CTNNA2: variants seen among roughly 807,000 people sequenced by gnomAD.
The protein encoded by CTNNA2 is catenin alpha 2.
A neutral mutation model predicts 101.0 loss-of-function variants in CTNNA2; 42 were observed. That is an observed-to-expected ratio of 0.42 (90% CI 0.32 to 0.54). The LOEUF (loss-of-function observed/expected upper bound fraction) is 0.54, where lower values mean the gene tolerates loss of function less well. Among genes scored for constraint, CTNNA2 ranks in the 20% least tolerant of loss-of-function variants. The pLI is 0.14. For missense variants in CTNNA2, 871 were observed against 1,223.1 expected (o/e 0.71, Z 4.29); for synonymous variants, 450 against 456.4 (o/e 0.99, Z 0.18).
chr2:79,302,686 C>A (rs1483018760), intron 2 of CTNNA2, among the ~76,000 whole-genome samples: 1 of 152,126 alleles, frequency 6.6e-6, no homozygotes, highest in African/African-American at 2.4e-5. Context: ...TCTAGATTTT[C>A]TGCTTGCTGA....
chr2:80,519,962 A>G (rs1005994957), intron 9 of CTNNA2, among the ~76,000 whole-genome samples: 4 of 152,154 alleles, frequency 2.6e-5, no homozygotes, highest in Non-Finnish European at 4.4e-5. Flanking sequence ...CCTTCACCAC[A>G]TGGTGCATTG....
At chr2:79,808,444 C>G (rs1157202603) in intron 3 of CTNNA2, among the ~76,000 whole-genome samples, 2 of 152,184 alleles carry the variant, frequency 1.3e-5, no homozygotes, top group Non-Finnish European at 2.9e-5. Context: ...TTGGGGAAAG[C>G]CTGTCATAGC....
chr2:79,324,708 G>A (rs1469097514), intron 3 of CTNNA2, among the ~76,000 whole-genome samples: 1 of 151,664 alleles, frequency 6.6e-6, no homozygotes, highest in African/African-American at 2.4e-5. Flanking sequence ...CACAGGCCCA[G>A]AGTGCACACA....
chr2:80,066,579 A>G (rs1697998535), intron 7 of CTNNA2, among the ~76,000 whole-genome samples: 1 of 152,182 alleles, frequency 6.6e-6, no homozygotes, highest in South Asian at 2.1e-4. Context: ...TTAATAAAAA[A>G]TGAAAAATAA....
At chr2:80,386,038 G>A (rs1676962939) in intron 7 of CTNNA2, among the ~76,000 whole-genome samples, 1 of 151,762 alleles carries the variant, frequency 6.6e-6, no homozygotes, top group African/African-American at 2.4e-5. Context: ...AGCCAGTCCT[G>A]CTTTGCGCAT....
chr2:79,941,211 C>T (rs943832892), intron 7 of CTNNA2, among the ~76,000 whole-genome samples: 2 of 152,326 alleles, frequency 1.3e-5, no homozygotes, highest in East Asian at 1.9e-4. Flanking sequence ...TGTTTCTCAG[C>T]AATAGCTTTT....
At chr2:79,997,253 A>G (rs1171708242) in intron 7 of CTNNA2, among the ~76,000 whole-genome samples, 1 of 151,886 alleles carries the variant, frequency 6.6e-6, no homozygotes, top group African/African-American at 2.4e-5. Context: ...GGTGCCTAAT[A>G]ATCTTCCTCA....
At chr2:79,966,239 T>C (rs767847602) in intron 7 of CTNNA2, among the ~76,000 whole-genome samples, 3 of 152,194 alleles carry the variant, frequency 2.0e-5, no homozygotes, top group East Asian at 1.9e-4. Flanking sequence ...TATGTGTGAC[T>C]AGAATCTTTT....
chr2:79,245,573 G>A (rs916967545), intron 2 of CTNNA2, among the ~76,000 whole-genome samples: 3 of 152,202 alleles, frequency 2.0e-5, no homozygotes, highest in Non-Finnish European at 4.4e-5. Context: ...TCTACTCTAG[G>A]AATCATGCAA....
chr2:79,604,048 T>C (rs1677724450), intron 1 of CTNNA2, among the ~76,000 whole-genome samples: 1 of 152,216 alleles, frequency 6.6e-6, no homozygotes, highest in South Asian at 2.1e-4. Context: ...TAAGATTCTT[T>C]TCCTAGTCAA....
chr2:79,563,459 AG>A (rs1210080766), intron 1 of CTNNA2, among the ~76,000 whole-genome samples: 1 of 152,030 alleles, frequency 6.6e-6, no homozygotes, highest in African/African-American at 2.4e-5. Flanking sequence ...TTCACTGTAT[AG>A]GGAAAGGCAT....
intron 4 of CTNNA2, among the ~76,000 whole-genome samples, chr2:79,466,388 A>T (rs1670936529): frequency 6.6e-6 from 1 of 152,220 alleles, no homozygotes; most frequent in Admixed American, 6.5e-5. Flanking sequence ...TGGAAGCTCG[A>T]ACTGGGTGGA....
chr2:79,187,712 T>A (rs1169096553), intron 1 of CTNNA2, among the ~76,000 whole-genome samples: 2 of 152,188 alleles, frequency 1.3e-5, no homozygotes, highest in African/African-American at 4.8e-5. Context: ...AGGCTGCCTG[T>A]TAATAATCAA....
intron 3 of CTNNA2, among the ~76,000 whole-genome samples, chr2:79,801,731 C>T (rs886858712): frequency 2.0e-4 from 30 of 152,118 alleles, no homozygotes; most frequent in African/African-American, 5.3e-4. Flanking sequence ...GTGGCTCATG[C>T]CTGTAATCCC....
chr2:80,076,694 A>G (rs1698779769), intron 7 of CTNNA2, among the ~76,000 whole-genome samples: 2 of 151,918 alleles, frequency 1.3e-5, no homozygotes, highest in African/African-American at 4.8e-5. Flanking sequence ...CTTGCTAAAT[A>G]ATTTTATAAG....
At chr2:79,413,460 C>G (rs1678440567) in intron 4 of CTNNA2, among the ~76,000 whole-genome samples, 1 of 152,010 alleles carries the variant, frequency 6.6e-6, no homozygotes, top group South Asian at 2.1e-4. Flanking sequence ...CATTCAGTCA[C>G]TCATTGACAG....
At chr2:79,542,983 T>A (rs985028018) in intron 1 of CTNNA2, among the ~76,000 whole-genome samples, 62 of 152,306 alleles carry the variant, frequency 4.1e-4, no homozygotes, top group Admixed American at 2.7e-3. Flanking sequence ...TCTACCATTT[T>A]AAAAACAACT....
chr2:80,423,260 G>T (rs1314207538), intron 9 of CTNNA2, among the ~76,000 whole-genome samples: 1 of 151,844 alleles, frequency 6.6e-6, no homozygotes, highest in Non-Finnish European at 1.5e-5. Context: ...TTATTGGAAT[G>T]GATAATCATG....
At chr2:80,468,423 TA>T (rs1482810667) in intron 9 of CTNNA2, among the ~76,000 whole-genome samples, 1 of 150,584 alleles carries the variant, frequency 6.6e-6, no homozygotes, top group Admixed American at 6.6e-5. Context: ...TTTATTTATT[TA>T]TTTATTTTTT....
Sources: gnomAD v4.1 joint callset for allele counts (sites outside exome capture counted in the v4.1 genomes callset) on GRCh38, gnomAD v4.1.1 for gene constraint, MANE v1.5 for transcripts, NCBI Gene and HGNC (gene_info 2026-07-23, HGNC 2026-07-21) for gene names.